The following CDK14 variants were observed in gnomAD, a reference collection of about 807,000 sequenced individuals.
CDK14 encodes the protein cyclin dependent kinase 14.
A neutral mutation model predicts 60.7 loss-of-function variants in CDK14; 34 were observed. The ratio of observed to expected loss-of-function variants is 0.56; its 90% CI spans 0.43 to 0.75. The LOEUF is 0.75. CDK14 is among the 30% of genes least tolerant of loss of function. The pLI is 0.00. For synonymous variants in CDK14, 197 were observed against 203.7 expected (o/e 0.97, Z 0.28); for missense variants, 482 against 564.1 (o/e 0.85, Z 1.47).
chr7:90,786,526 T>C (rs1180212845), intron 4 of CDK14, among the ~76,000 whole-genome samples: 2 of 152,216 alleles, frequency 1.3e-5, no homozygotes, highest in Non-Finnish European at 2.9e-5. Context: ...GTTCATTTTG[T>C]TTTTCATACA....
chr7:90,790,756 T>C, intron 5 of CDK14, 104 bp downstream of exon 5: 1 of 653,766 alleles, frequency 1.5e-6, no homozygotes, highest in Non-Finnish European at 2.6e-6. Flanking sequence ...AATTACAGGA[T>C]TGTATCTTTC....
chr7:90,828,284 T>G (rs1789792813), intron 5 of CDK14, among the ~76,000 whole-genome samples: 1 of 152,232 alleles, frequency 6.6e-6, no homozygotes, highest in Non-Finnish European at 1.5e-5. Flanking sequence ...GTTGGAGGTC[T>G]GCCATGTGGA....
intron 14 of CDK14, among the ~76,000 whole-genome samples, chr7:91,158,560 G>A (rs1801062840): frequency 6.6e-6 from 1 of 152,144 alleles, no homozygotes. Context: ...CAATGGAGAT[G>A]TAGAATTTGT....
intron 14 of CDK14, among the ~76,000 whole-genome samples, chr7:91,196,414 C>G (rs1802544671): frequency 6.6e-6 from 1 of 152,194 alleles, no homozygotes. Context: ...CTCTTTCACC[C>G]TAAACACTCT....
At chr7:90,688,286 C>T (rs777246372) in intron 2 of CDK14, among the ~76,000 whole-genome samples, 18 of 151,946 alleles carry the variant, frequency 1.2e-4, no homozygotes, top group African/African-American at 1.9e-4. Context: ...CCAGTGAATA[C>T]GGATTTCTAA....
chr7:90,914,025 C>A (rs190354782), intron 7 of CDK14, among the ~76,000 whole-genome samples: 1 of 152,234 alleles, frequency 6.6e-6, no homozygotes, highest in African/African-American at 2.4e-5. Context: ...GAAGGTTGAT[C>A]GTCCCCTTGC....
intron 12 of CDK14, among the ~76,000 whole-genome samples, chr7:91,081,575 A>G (rs1041485281): frequency 2.6e-5 from 4 of 152,206 alleles, no homozygotes; most frequent in East Asian, 1.9e-4. Flanking sequence ...TAACCTAGGT[A>G]TTGAAGCTAG....
At chr7:90,892,265 G>A (rs767037856) in intron 6 of CDK14, among the ~76,000 whole-genome samples, 9 of 152,110 alleles carry the variant, frequency 5.9e-5, no homozygotes, top group Non-Finnish European at 1.3e-4. Flanking sequence ...CTTTGATCTG[G>A]CCTCTCTGTC....
chr7:91,186,892 A>C (rs1802208258), intron 14 of CDK14, among the ~76,000 whole-genome samples: 1 of 152,228 alleles, frequency 6.6e-6, no homozygotes, highest in Non-Finnish European at 1.5e-5. Flanking sequence ...TAAGAGGAGA[A>C]TATGGACATG....
intron 13 of CDK14, 72 bp from the exon 14 acceptor site, chr7:91,117,992 AT>A: frequency 2.7e-6 from 2 of 733,416 alleles, no homozygotes; most frequent in South Asian, 2.2e-5. Context: ...CTCAGTCTCC[AT>A]TTTTTTAAAA....
In CDK14 at chr7:90,686,066, G is replaced by A. The variant is rs537632553; in HGVS notation, c.124-40501G>A. 7.9e-5 allele frequency among the ~76,000 whole-genome samples: 12 copies of A among 152,196 alleles called. No homozygotes were observed. The South Asian group carries it at 2.3e-3, about 29-fold the overall frequency. On this transcript the variant is annotated intron_variant, in intron 2 of 14. Coordinates refer to ENST00000380050, the MANE Select transcript of CDK14 (RefSeq NM_001287135.2). ...CAGCATAGTGTGTGTTTTTGGACAA[G>A]TTACTTCCTTCAATATTTTCATCTT... is the stretch of plus-strand genomic sequence containing the variant.
chr7:90,823,521 G>A (rs1024658070), intron 5 of CDK14, among the ~76,000 whole-genome samples: 2 of 152,164 alleles, frequency 1.3e-5, no homozygotes, highest in African/African-American at 4.8e-5. Context: ...GCCCTGTTGG[G>A]TTTTTCCACT....
chr7:90,769,416 C>T (rs565866143), intron 4 of CDK14, among the ~76,000 whole-genome samples: 1 of 151,804 alleles, frequency 6.6e-6, no homozygotes, highest in East Asian at 1.9e-4. Flanking sequence ...GATTGACACA[C>T]ACACAAAGGA....
chr7:91,099,907 T>C (rs534804446), intron 12 of CDK14, among the ~76,000 whole-genome samples: 52 of 152,280 alleles, frequency 3.4e-4, no homozygotes, highest in African/African-American at 1.3e-3. Context: ...GGTTAGACTT[T>C]TAAGTATTCT....
At chr7:90,798,193 T>A (rs1788510174) in intron 5 of CDK14, among the ~76,000 whole-genome samples, 2 of 152,094 alleles carry the variant, frequency 1.3e-5, no homozygotes, top group South Asian at 4.1e-4. Flanking sequence ...GAGTGATTTT[T>A]TTTTTTTTTG....
At chr7:90,644,489 G>GT (rs1800417152) in intron 2 of CDK14, among the ~76,000 whole-genome samples, 2 of 152,070 alleles carry the variant, frequency 1.3e-5, no homozygotes, top group Admixed American at 1.3e-4. Context: ...TCTAATTTAG[G>GT]TAACAGCTCT....
At chr7:90,755,043 A>C (rs1349965759) in intron 4 of CDK14, among the ~76,000 whole-genome samples, 2 of 152,182 alleles carry the variant, frequency 1.3e-5, no homozygotes, top group African/African-American at 4.8e-5. Context: ...CCACTGTGGA[A>C]ATCAGTTTGG....
At chr7:91,093,040 G>T (rs1798875100) in intron 12 of CDK14, among the ~76,000 whole-genome samples, 1 of 152,098 alleles carries the variant, frequency 6.6e-6, no homozygotes, top group South Asian at 2.1e-4. Flanking sequence ...AAAATTTTAT[G>T]CATACTAACT....
chr7:91,082,845 T>C (rs1798520116), intron 12 of CDK14, among the ~76,000 whole-genome samples: 1 of 152,230 alleles, frequency 6.6e-6, no homozygotes, highest in South Asian at 2.1e-4. Context: ...TATTGTATTT[T>C]TCTTGTCATT....
Sources: gnomAD v4.1 joint callset for allele counts (sites outside exome capture counted in the v4.1 genomes callset) on GRCh38, gnomAD v4.1.1 for gene constraint, MANE v1.5 for transcripts, NCBI Gene and HGNC (gene_info 2026-07-23, HGNC 2026-07-21) for gene names.